TMEM132D: variants seen among roughly 807,000 people sequenced by gnomAD.
TMEM132D encodes the protein transmembrane protein 132D, also known as mature OL transmembrane protein.
A neutral mutation model predicts 62.3 loss-of-function variants in TMEM132D; 21 were observed. The ratio of observed to expected loss-of-function variants is 0.34; its 90% CI spans 0.24 to 0.49. The LOEUF (loss-of-function observed/expected upper bound fraction) is 0.49. Ranked by LOEUF, TMEM132D falls within the 20% of genes least tolerant of loss-of-function variation. The pLI, the probability that TMEM132D is intolerant of heterozygous loss-of-function variation, is 0.99. For synonymous variants in TMEM132D, 621 were observed against 575.6 expected, an observed-to-expected ratio of 1.08 and a Z score of -1.13; for missense variants, 1,346 against 1,402.8, an observed-to-expected ratio of 0.96 and a Z score of 0.65.
intron 4 of TMEM132D, among the ~76,000 whole-genome samples, chr12:129,296,148 T>C (rs1018358178): frequency 1.3e-5 from 2 of 152,086 alleles, no homozygotes; most frequent in East Asian, 1.9e-4. Flanking sequence ...ATCCTGTTGG[T>C]TCTGTTTTTC....
chr12:129,435,366 C>T (rs1458562465), intron 3 of TMEM132D, among the ~76,000 whole-genome samples: 4 of 152,150 alleles, frequency 2.6e-5, no homozygotes, highest in Admixed American at 2.0e-4. Flanking sequence ...TACGGGCATA[C>T]CATTTTTTAA....
intron 3 of TMEM132D, among the ~76,000 whole-genome samples, chr12:129,420,309 T>G (rs1872269807): frequency 2.6e-5 from 1 of 37,780 alleles, no homozygotes; most frequent in South Asian, 6.5e-4. Flanking sequence ...GTTCTCTGTT[T>G]TTTTTTTTTT....
intron 3 of TMEM132D, among the ~76,000 whole-genome samples, chr12:129,446,790 G>A (rs1189027346): frequency 6.6e-6 from 1 of 152,168 alleles, no homozygotes; most frequent in Admixed American, 6.5e-5. Flanking sequence ...CTTACTTAAA[G>A]GAGGAAAAAA....
At chr12:129,156,797 C>T (rs1565981120) in intron 5 of TMEM132D, among the ~76,000 whole-genome samples, 1 of 152,272 alleles carries the variant, frequency 6.6e-6, no homozygotes, top group East Asian at 1.9e-4. Context: ...CCCATGATAA[C>T]TCACTCTCAA....
At chr12:129,802,039 G>A (rs1871806990) in intron 1 of TMEM132D, among the ~76,000 whole-genome samples, 1 of 148,360 alleles carries the variant, frequency 6.7e-6, no homozygotes, top group African/African-American at 2.5e-5. Flanking sequence ...GGGACTATGT[G>A]AAAAGACCAA....
At chr12:129,182,320 T>C (rs1878091205) in intron 5 of TMEM132D, among the ~76,000 whole-genome samples, 1 of 152,220 alleles carries the variant, frequency 6.6e-6, no homozygotes, top group Non-Finnish European at 1.5e-5. Context: ...GCCTAGATTG[T>C]GCCACTGCAT....
chr12:129,518,094 C>T (rs1321617769), intron 3 of TMEM132D, among the ~76,000 whole-genome samples: 3 of 152,092 alleles, frequency 2.0e-5, no homozygotes, highest in African/African-American at 7.2e-5. Context: ...TTTTTTCCCC[C>T]CTAAGGAGGA....
intron 3 of TMEM132D, among the ~76,000 whole-genome samples, chr12:129,467,474 C>G (rs973409734): frequency 6.6e-6 from 1 of 152,112 alleles, no homozygotes; most frequent in Non-Finnish European, 1.5e-5. Context: ...CATGACCATC[C>G]CTGACCAATC....
intron 3 of TMEM132D, among the ~76,000 whole-genome samples, chr12:129,459,805 A>G (rs1285096453): frequency 6.6e-6 from 1 of 152,214 alleles, no homozygotes; most frequent in Non-Finnish European, 1.5e-5. Flanking sequence ...TCTGTAGCCT[A>G]TAGTGAACAG....
chr12:129,221,974 C>A (rs2135573915), intron 4 of TMEM132D, among the ~76,000 whole-genome samples: 1 of 152,176 alleles, frequency 6.6e-6, no homozygotes, highest in East Asian at 1.9e-4. Context: ...TTGACAAGTG[C>A]AGAGTATCAG....
At chr12:129,501,938 A>C (rs1350740151) in intron 3 of TMEM132D, among the ~76,000 whole-genome samples, 2 of 152,070 alleles carry the variant, frequency 1.3e-5, no homozygotes, top group African/African-American at 4.8e-5. Context: ...TTACACATTC[A>C]AGTCCTCCAT....
intron 1 of TMEM132D, among the ~76,000 whole-genome samples, chr12:129,717,433 C>T (rs1027431824): frequency 4.6e-5 from 7 of 151,098 alleles, no homozygotes; most frequent in Middle Eastern, 3.5e-3. Flanking sequence ...TAAAAACTGG[C>T]AGAAAATCTA....
Position 129,699,968 on chromosome 12 carries a change from G to T in TMEM132D, c.810C>A (p.Ile270=), listed in dbSNP as rs1394101099. 1 of 1,614,144 alleles carries T rather than the reference G, an allele frequency of 6.2e-7. No homozygotes were observed. The highest frequency in any genetic ancestry group is 1.7e-5 in the Admixed American group (1 of 60,028). Residue 270 remains isoleucine (I), a synonymous_variant, in exon 2 of 9, where the codon ATC becomes ATA. Coordinates refer to ENST00000422113, the MANE Select transcript of TMEM132D (RefSeq NM_133448.3). ...GTTTCCTGTGTGTCTGATAAAGGAA[G>T]ATGCTCCCGATCCTCTGCAAGGGGG... ...SGPPLQRIGS[I]FLYQTHRKPS...
chr12:129,087,771 G>A (rs1322765602), intron 5 of TMEM132D, among the ~76,000 whole-genome samples: 1 of 152,244 alleles, frequency 6.6e-6, no homozygotes, highest in Non-Finnish European at 1.5e-5. Context: ...TCACAAAGCT[G>A]CTGGGTTTGT....
intron 5 of TMEM132D, among the ~76,000 whole-genome samples, chr12:129,206,226 C>A (rs1384262110): frequency 6.6e-6 from 1 of 152,110 alleles, no homozygotes; most frequent in African/African-American, 2.4e-5. Flanking sequence ...GTCTCATATC[C>A]CGCACCTGTA....
chr12:129,406,778 G>A (rs577207858), intron 3 of TMEM132D, among the ~76,000 whole-genome samples: 31 of 152,280 alleles, frequency 2.0e-4, no homozygotes, highest in African/African-American at 6.5e-4. Context: ...CAGTGTGGAT[G>A]GCAGCCCTGC....
At chr12:129,764,560 G>A (rs976830971) in intron 1 of TMEM132D, among the ~76,000 whole-genome samples, 1 of 149,134 alleles carries the variant, frequency 6.7e-6, no homozygotes, top group Non-Finnish European at 1.5e-5. Flanking sequence ...TTACGTGTGT[G>A]TGCACGTGCA....
At chr12:129,824,411 T>C (rs868127346) in intron 1 of TMEM132D, among the ~76,000 whole-genome samples, 16 of 152,258 alleles carry the variant, frequency 1.1e-4, no homozygotes, top group Middle Eastern at 3.4e-3. Context: ...CAATATTAGA[T>C]TGTGTTACCG....
At chr12:129,865,594 A>C (rs1195755367) in intron 1 of TMEM132D, among the ~76,000 whole-genome samples, 1 of 152,144 alleles carries the variant, frequency 6.6e-6, no homozygotes. Context: ...TTGTGAGTGC[A>C]ATGGTCTGAC....
Sources: gnomAD v4.1 joint callset for allele counts (sites outside exome capture counted in the v4.1 genomes callset) on GRCh38, gnomAD v4.1.1 for gene constraint, MANE v1.5 for transcripts, NCBI Gene and HGNC (gene_info 2026-07-23, HGNC 2026-07-21) for gene names.